ITSN2: variants seen among roughly 807,000 people sequenced by gnomAD.
The protein encoded by ITSN2 is intersectin-2.
ITSN2 carries 156 observed loss-of-function variants against 243.7 expected under a neutral mutation model. The ratio of observed to expected loss-of-function variants is 0.64; its 90% CI spans 0.56 to 0.73. ITSN2 has a LOEUF of 0.73. ITSN2 is among the 30% of genes least tolerant of loss of function. The pLI, the probability that ITSN2 is intolerant of heterozygous loss-of-function variation, is 0.00. For missense variants in ITSN2, 1,801 were observed against 1,996.1 expected (o/e 0.90, Z 1.86); for synonymous variants, 703 against 699.9 (o/e 1.00, Z -0.07).
chr2:24,250,084 A>G (rs1043818965), intron 25 of ITSN2, among the ~76,000 whole-genome samples: 91 of 152,318 alleles, frequency 6.0e-4, no homozygotes, highest in Non-Finnish European at 2.1e-4. Context: ...ATTTTATTAA[A>G]TCTTAATCTT....
In ITSN2 at chr2:24,246,800, G is replaced by T. The variant is rs369959748; in HGVS notation, c.3382C>A (p.Pro1128Thr). The change falls in exon 28 of 40, where the codon CCT (proline) becomes ACT (threonine). Residue 1128 changes from proline to threonine, a missense_variant. By Grantham distance (38) the Pro-to-Thr change is conservative. Coordinates refer to ENST00000355123, the MANE Select transcript of ITSN2 (RefSeq NM_006277.3). ...ACAAATTAACCCACTTCCATACCAG[G>T]ATGAAAGGCAGGTGTGGCTCTTTCA... ...SSERATPAFH[P>T]VCQVIAMYDY... is the part of the protein sequence containing the mutation. 3 of 1,580,416 alleles carry T rather than the reference G, an allele frequency of 1.9e-6. No individual in the cohort carries two copies. Among genetic ancestry groups the T allele is most frequent in the Non-Finnish European group, 2.6e-6 (3 of 1,151,654 alleles).
intron 1 of ITSN2, among the ~76,000 whole-genome samples, chr2:24,349,295 C>G (rs1488168657): frequency 1.3e-5 from 2 of 152,154 alleles, no homozygotes; most frequent in African/African-American, 4.8e-5. Context: ...ACTCACAACA[C>G]CACCTAACCA....
chr2:24,287,299 T>A (rs561604928), intron 15 of ITSN2, among the ~76,000 whole-genome samples: 1 of 152,152 alleles, frequency 6.6e-6, no homozygotes, highest in Non-Finnish European at 1.5e-5. Flanking sequence ...ATAATTTATA[T>A]AACTACCTTT....
Position 24,203,585 on chromosome 2 carries a change from A to G in ITSN2, c.*41T>C, listed in dbSNP as rs1451937293. On this transcript the variant is annotated 3_prime_UTR_variant, in exon 40 of 40. Coordinates refer to ENST00000355123, the MANE Select transcript of ITSN2 (RefSeq NM_006277.3). Reference sequence around the variant, plus strand: ...GCGCAGTCTCTCATTCTCCAGCCCCAGCCTTGTGGGCTGTCCCGCTGGTGC... The same window carrying G: ...GCGCAGTCTCTCATTCTCCAGCCCCGGCCTTGTGGGCTGTCCCGCTGGTGC... 1 of 1,586,578 alleles carries G rather than the reference A, an allele frequency of 6.3e-7. No individual in the cohort carries two copies. The highest frequency in any genetic ancestry group is 8.6e-7 in the Non-Finnish European group (1 of 1,164,916).
intron 1 of ITSN2, among the ~76,000 whole-genome samples, chr2:24,349,858 C>A (rs1257402664): frequency 6.6e-6 from 1 of 152,168 alleles, no homozygotes; most frequent in Non-Finnish European, 1.5e-5. Flanking sequence ...AACATTAATT[C>A]TACAATTGTA....
At chr2:24,307,165 G>C (rs1467008300) in intron 8 of ITSN2, among the ~76,000 whole-genome samples, 2 of 151,968 alleles carry the variant, frequency 1.3e-5, no homozygotes, top group African/African-American at 4.8e-5. Context: ...CAAAGAATAG[G>C]AATTATGACT....
chr2:24,273,299 G>A (rs1000156481), intron 18 of ITSN2, among the ~76,000 whole-genome samples: 2 of 151,828 alleles, frequency 1.3e-5, no homozygotes, highest in African/African-American at 4.8e-5. Context: ...TGCTTCCTCC[G>A]GCAACTTTCA....
intron 1 of ITSN2, chr2:24,334,500 G>A (rs1480183069): frequency 1.6e-5 from 11 of 708,788 alleles, no homozygotes; most frequent in Non-Finnish European, 2.6e-5. Context: ...TGCCAATAGC[G>A]CTCATGCAAA....
intron 29 of ITSN2, among the ~76,000 whole-genome samples, chr2:24,230,097 A>G (rs758970500): frequency 6.6e-5 from 10 of 152,206 alleles, no homozygotes; most frequent in African/African-American, 1.2e-4. Flanking sequence ...GTTCTGCTGT[A>G]TACTCAGTAT....
intron 18 of ITSN2, among the ~76,000 whole-genome samples, chr2:24,274,141 C>T (rs548350016): frequency 1.3e-5 from 2 of 152,296 alleles, no homozygotes; most frequent in South Asian, 2.1e-4. Context: ...AGCTGTGGAA[C>T]CACTGCACAG....
chr2:24,210,961 G>A lies in ITSN2; in HGVS notation c.4090-14C>T. The A allele has an allele frequency of 6.2e-7, 1 of 1,613,454 alleles. No individual in the cohort carries two copies. The highest frequency in any genetic ancestry group is 8.5e-7 in the Non-Finnish European group (1 of 1,179,484). ...GTTCTCCAGAATCTGGAAAAGAGTGGGCAGTGTCACATGGGGGAGCTGCGT... is the reference window on the plus strand; with the variant it reads ...GTTCTCCAGAATCTGGAAAAGAGTGAGCAGTGTCACATGGGGGAGCTGCGT... On this transcript the variant is annotated splice_polypyrimidine_tract_variant and intron_variant, in intron 33 of 39. Coordinates refer to ENST00000355123, the MANE Select transcript of ITSN2 (RefSeq NM_006277.3).
chr2:24,230,100 C>T (rs1671435099), intron 29 of ITSN2, among the ~76,000 whole-genome samples: 1 of 152,190 alleles, frequency 6.6e-6, no homozygotes, highest in Non-Finnish European at 1.5e-5. Context: ...CTGCTGTATA[C>T]TCAGTATCCC....
At position 24,261,571 on chromosome 2, in the gene ITSN2, T is replaced by C. The variant is rs146540075; in HGVS notation, c.2527A>G (p.Thr843Ala). The C allele has an allele frequency of 2.5e-6, 4 of 1,610,860 alleles. No individual in the cohort carries two copies. The highest frequency in any genetic ancestry group is 1.3e-5 in the African/African-American group (1 of 74,688). ...TAGCTAAAAACTTACTCAGAGGAAG[T>C]TGAGGTAGCAGATAAAGAAACTGTA... ...PPTVSLSATS[T>A]SSEPLSSNQP... is the part of the protein sequence containing the mutation. Residue 843 changes from threonine (T) to alanine (A), a missense_variant, in exon 21 of 40, where the codon ACT becomes GCT. Around this residue, in one of 5 missense-constraint regions of ITSN2, gnomAD observed 928 missense variants for 1,065.4 expected, o/e 0.87. Coordinates refer to ENST00000355123, the MANE Select transcript of ITSN2 (RefSeq NM_006277.3).
At chr2:24,241,377 A>T (rs1364922904) in intron 29 of ITSN2, 1 of 152,256 alleles carries the variant, frequency 6.6e-6, no homozygotes, top group African/African-American at 2.4e-5. Flanking sequence ...TCATCGAAAA[A>T]GAATACACAC....
chr2:24,210,786 G>A lies in ITSN2; in HGVS notation c.4251C>T (p.Leu1417=), dbSNP rs371636623. The A allele has an allele frequency of 5.0e-6, 8 of 1,613,586 alleles. No homozygotes were observed. Among genetic ancestry groups the A allele is most frequent in the South Asian group, 3.3e-5 (3 of 91,054 alleles). The change falls in exon 34 of 40, where the codon CTC becomes CTT. Residue 1417 remains leucine (L), a synonymous_variant. Transcript: ENST00000355123. ...TTAACCACACAGGCCTGACCTCCGC[G>A]AGGCCTTCACACTGCACGTGCGCCT... ...WIQAHVQCEG[L]AEQLIFNSLT...
At chr2:24,242,409 T>C (rs1171144919) in intron 29 of ITSN2, among the ~76,000 whole-genome samples, 1 of 152,130 alleles carries the variant, frequency 6.6e-6, no homozygotes, top group Non-Finnish European at 1.5e-5. Context: ...ATCTATAATT[T>C]AACTAGCTTT....
At chr2:24,315,614 C>T (rs370646677) in intron 2 of ITSN2, among the ~76,000 whole-genome samples, 1 of 152,208 alleles carries the variant, frequency 6.6e-6, no homozygotes. Flanking sequence ...CCACCAGAAC[C>T]TCATTTCGAA....
intron 5 of ITSN2, among the ~76,000 whole-genome samples, chr2:24,311,912 G>A (rs1480556451): frequency 2.6e-5 from 4 of 152,124 alleles, no homozygotes; most frequent in African/African-American, 7.2e-5. Flanking sequence ...TAGTATTTGG[G>A]ATTGGCTATA....
In ITSN2 at chr2:24,212,798, G is replaced by A. The variant is rs752024143; in HGVS notation, c.3991-50C>T. ...GAGGAAATCACAGCTCCGATCACAG[G>A]AAGCACTGGTCTTTGATCGCCTTTT... is the stretch of plus-strand genomic sequence containing the variant. On this transcript the variant is annotated intron_variant, in intron 32 of 39. Transcript: ENST00000355123. 7.4e-6 allele frequency: 10 copies of A among 1,348,646 alleles called. No individual in the cohort carries two copies. In the South Asian group the frequency reaches 9.3e-5, roughly 13 times the overall value. 83.5% of individuals were successfully genotyped at this position (1,348,646 alleles called of 1,614,324 possible). A position where few individuals can be genotyped will look rare whatever the true frequency, so the allele number is the denominator to read the frequency against.
Sources: allele counts gnomAD v4.1 joint callset (sites outside exome capture counted in the v4.1 genomes callset), GRCh38; gene constraint gnomAD v4.1.1; regional missense constraint gnomAD v4.1.1; transcripts MANE v1.5; gene names NCBI Gene and HGNC (gene_info 2026-07-23, HGNC 2026-07-21).